LUZP2: variants seen among roughly 807,000 people sequenced by gnomAD.
LUZP2 encodes the protein leucine zipper protein 2.
Under a neutral mutation model 51.6 loss-of-function variants are expected in LUZP2, and 52 were observed. That is an observed-to-expected ratio of 1.01 (90% CI 0.81 to 1.27). LUZP2 has a LOEUF of 1.27. LUZP2 is among the 50% of genes most tolerant of loss of function. The pLI, the probability that LUZP2 is intolerant of heterozygous loss-of-function variation, is 0.00. For synonymous variants in LUZP2, 154 were observed against 137.3 expected (o/e 1.12, Z -0.85); for missense variants, 436 against 395.4 (o/e 1.10, Z -0.87).
chr11:24,718,178 C>T (rs1394503020), intron 1 of LUZP2, among the ~76,000 whole-genome samples: 2 of 152,176 alleles, frequency 1.3e-5, no homozygotes, highest in African/African-American at 4.8e-5. Flanking sequence ...AACGATTGAA[C>T]AGCAAATGTT....
rs114968288 is a variant in LUZP2, at chr11:24,535,225, T to C, written c.62+37920T>C. On this transcript the variant is annotated intron_variant, in intron 1 of 11. Coordinates refer to ENST00000336930, the MANE Select transcript of LUZP2 (RefSeq NM_001009909.4). ...GTGGAAAGTTTTACCTCAATGTTGA[T>C]GGCTATTGACTTATCAGGGCGGTGA... is the stretch of plus-strand genomic sequence containing the variant. 8.7e-3 allele frequency among the ~76,000 whole-genome samples: 1,320 copies of C among 151,630 alleles called. 21 individuals carry two copies. Among genetic ancestry groups the C allele is most frequent in the African/African-American group, 0.03 (1,263 of 41,454 alleles).
intron 1 of LUZP2, among the ~76,000 whole-genome samples, chr11:24,574,504 A>C (rs2133808490): frequency 6.6e-6 from 1 of 151,952 alleles, no homozygotes; most frequent in Middle Eastern, 3.4e-3. Flanking sequence ...CAGGAAAATC[A>C]ATAATGCTAA....
chr11:24,994,096 T>G (rs1048849377), intron 9 of LUZP2, among the ~76,000 whole-genome samples: 1 of 151,364 alleles, frequency 6.6e-6, no homozygotes, highest in Non-Finnish European at 1.5e-5. Context: ...GCTGACGTCA[T>G]AATCTGCCTG....
intron 1 of LUZP2, among the ~76,000 whole-genome samples, chr11:24,505,491 G>T (rs1327475746): frequency 6.6e-6 from 1 of 152,108 alleles, no homozygotes; most frequent in African/African-American, 2.4e-5. Flanking sequence ...AATGTATAAA[G>T]AATAGCATCC....
chr11:24,603,629 T>C (rs1279955859), intron 1 of LUZP2, among the ~76,000 whole-genome samples: 1 of 151,872 alleles, frequency 6.6e-6, no homozygotes, highest in Non-Finnish European at 1.5e-5. Context: ...AATATAAGTA[T>C]ACAATCCTGT....
intron 1 of LUZP2, among the ~76,000 whole-genome samples, chr11:24,590,845 T>A (rs1428355510): frequency 6.6e-6 from 1 of 152,144 alleles, no homozygotes; most frequent in East Asian, 1.9e-4. Flanking sequence ...ACATGTGGAG[T>A]TTTGTAGTAA....
intron 8 of LUZP2, among the ~76,000 whole-genome samples, chr11:24,979,472 AT>A (rs1855967751): frequency 6.6e-6 from 1 of 151,834 alleles, no homozygotes; most frequent in African/African-American, 2.4e-5. Flanking sequence ...CTATTTGAGT[AT>A]TTAGTTCCCA....
At chr11:24,707,667 C>CA (rs1201004423) in intron 1 of LUZP2, among the ~76,000 whole-genome samples, 4 of 151,756 alleles carry the variant, frequency 2.6e-5, no homozygotes. Flanking sequence ...TCTCTCAGCT[C>CA]AAAAAAAGAG....
chr11:24,818,604 T>C (rs935430379), intron 5 of LUZP2, among the ~76,000 whole-genome samples: 1 of 152,098 alleles, frequency 6.6e-6, no homozygotes, highest in Non-Finnish European at 1.5e-5. Context: ...GCAGAAATTA[T>C]ATGAAAAATT....
chr11:24,616,064 G>A (rs1173729262), intron 1 of LUZP2, among the ~76,000 whole-genome samples: 1 of 149,808 alleles, frequency 6.7e-6, no homozygotes, highest in Admixed American at 6.7e-5. Flanking sequence ...ATATACTCTT[G>A]GTACAAGTCC....
chr11:24,566,900 ATGTTATATATATAT>A (rs1852254396), intron 1 of LUZP2, among the ~76,000 whole-genome samples: 1 of 142,270 alleles, frequency 7.0e-6, no homozygotes, highest in Non-Finnish European at 1.5e-5. Flanking sequence ...ATATTTATAT[ATGTTATATATATAT>A]ATATGTATAT....
At chr11:24,881,094 G>T (rs1340429005) in intron 5 of LUZP2, among the ~76,000 whole-genome samples, 1 of 152,086 alleles carries the variant, frequency 6.6e-6, no homozygotes, top group Non-Finnish European at 1.5e-5. Flanking sequence ...TGGTTGCCAG[G>T]TAAGCTTAAG....
intron 1 of LUZP2, among the ~76,000 whole-genome samples, chr11:24,660,550 C>T (rs1205163035): frequency 2.6e-5 from 4 of 152,058 alleles, no homozygotes; most frequent in Non-Finnish European, 5.9e-5. Context: ...ATCTTAAATT[C>T]TACCCATGGA....
At chr11:24,861,626 A>G (rs1046698266) in intron 5 of LUZP2, among the ~76,000 whole-genome samples, 3 of 152,186 alleles carry the variant, frequency 2.0e-5, no homozygotes, top group Admixed American at 1.3e-4. Flanking sequence ...GCAGTGTAAG[A>G]GCAGCTAGGG....
chr11:24,614,450 TA>T (rs896926993), intron 1 of LUZP2, among the ~76,000 whole-genome samples: 1 of 151,958 alleles, frequency 6.6e-6, no homozygotes, highest in African/African-American at 2.4e-5. Flanking sequence ...TTTAACCCCC[TA>T]AAAAAGAATT....
chr11:25,019,968 A>G (rs1857284536), intron 9 of LUZP2, among the ~76,000 whole-genome samples: 1 of 152,090 alleles, frequency 6.6e-6, no homozygotes, highest in East Asian at 1.9e-4. Flanking sequence ...CACATCCTGG[A>G]TTGTGTTTTG....
At chr11:24,998,013 G>A (rs193264142) in intron 9 of LUZP2, among the ~76,000 whole-genome samples, 175 of 152,242 alleles carry the variant, frequency 1.1e-3, no homozygotes, top group African/African-American at 4.0e-3. Context: ...TCCTGTTTGG[G>A]TTACTGTAGC....
At chr11:24,693,314 C>T (rs746775884) in intron 1 of LUZP2, among the ~76,000 whole-genome samples, 2 of 151,332 alleles carry the variant, frequency 1.3e-5, no homozygotes, top group Non-Finnish European at 3.0e-5. Flanking sequence ...TAACATAATA[C>T]ATCACAGAGG....
chr11:24,524,597 A>G (rs972560539), intron 1 of LUZP2, among the ~76,000 whole-genome samples: 1 of 151,784 alleles, frequency 6.6e-6, no homozygotes, highest in South Asian at 2.1e-4. Flanking sequence ...AATTTAGTCC[A>G]TTAACTCTTT....
Sources: gnomAD v4.1 joint callset for allele counts (sites outside exome capture counted in the v4.1 genomes callset) on GRCh38, gnomAD v4.1.1 for gene constraint, MANE v1.5 for transcripts, NCBI Gene and HGNC (gene_info 2026-07-23, HGNC 2026-07-21) for gene names.